NCKAP5: variants seen among roughly 807,000 people sequenced by gnomAD.
NCKAP5 encodes the protein NCK associated protein 5.
NCKAP5 carries 92 observed loss-of-function variants against 167.0 expected under a neutral mutation model. The ratio of observed to expected loss-of-function variants is 0.55; its 90% CI spans 0.47 to 0.66. The LOEUF (loss-of-function observed/expected upper bound fraction) is 0.66. Among genes scored for constraint, NCKAP5 ranks in the 30% least tolerant of loss-of-function variants. NCKAP5 has a pLI of 0.00. For synonymous variants in NCKAP5, 891 were observed against 877.4 expected, an observed-to-expected ratio of 1.02 and a Z score of -0.27; for missense variants, 2,378 against 2,315.0, an observed-to-expected ratio of 1.03 and a Z score of -0.56.
intron 3 of NCKAP5, among the ~76,000 whole-genome samples, chr2:133,490,204 C>T (rs1330635205): frequency 6.6e-6 from 1 of 152,196 alleles, no homozygotes; most frequent in African/African-American, 2.4e-5. Context: ...GAATTGGGTA[C>T]AGCCCAAGTG....
intron 3 of NCKAP5, among the ~76,000 whole-genome samples, chr2:133,384,521 A>G (rs1045246898): frequency 2.6e-5 from 4 of 152,152 alleles, no homozygotes; most frequent in African/African-American, 9.7e-5. Flanking sequence ...CTGGCTTAGG[A>G]CTGACTTGGC....
At chr2:132,906,947 T>C (rs1694053547) in intron 8 of NCKAP5, among the ~76,000 whole-genome samples, 1 of 152,254 alleles carries the variant, frequency 6.6e-6, no homozygotes, top group Admixed American at 6.5e-5. Context: ...TGACACGTTT[T>C]ACTTGAATGA....
intron 12 of NCKAP5, among the ~76,000 whole-genome samples, chr2:132,793,247 G>T (rs1684217521): frequency 6.6e-6 from 1 of 152,158 alleles, no homozygotes; most frequent in African/African-American, 2.4e-5. Context: ...AACTGAGGCA[G>T]GTGATCCACC....
At chr2:133,216,730 T>C (rs566864710) in intron 4 of NCKAP5, among the ~76,000 whole-genome samples, 36 of 152,122 alleles carry the variant, frequency 2.4e-4, no homozygotes, top group Admixed American at 8.5e-4. Context: ...TACATAATGT[T>C]TAAAAGTGAT....
intron 8 of NCKAP5, among the ~76,000 whole-genome samples, chr2:132,897,939 G>A (rs1024928895): frequency 1.3e-5 from 2 of 152,138 alleles, no homozygotes; most frequent in Non-Finnish European, 2.9e-5. Context: ...AGCTACTTAC[G>A]GCTGGGGTGG....
the NCKAP5 span, among the ~76,000 whole-genome samples, chr2:133,654,838 A>T: frequency 6.6e-6 from 1 of 152,150 alleles, no homozygotes; most frequent in Admixed American, 6.5e-5. Flanking sequence ...AGAGCTTCCT[A>T]ACTCGGCTGT....
intron 19 of NCKAP5, among the ~76,000 whole-genome samples, chr2:132,706,771 G>C (rs991371138): frequency 7.9e-5 from 12 of 152,102 alleles, no homozygotes; most frequent in African/African-American, 2.9e-4. Flanking sequence ...ATGAAAGAAT[G>C]AATAAGTAAT....
chr2:132,796,875 A>C, intron 11 of NCKAP5, 146 bp from the exon 12 acceptor site: 1 of 606,306 alleles, frequency 1.6e-6, no homozygotes, highest in Non-Finnish European at 2.9e-6. Context: ...ATTCTAGTTT[A>C]TCAGTGTTCC....
intron 6 of NCKAP5, among the ~76,000 whole-genome samples, chr2:133,084,869 T>G (rs2080933447): frequency 6.6e-6 from 1 of 152,120 alleles, no homozygotes. Context: ...TTCATCGCCT[T>G]AAGTGGAAGG....
intron 6 of NCKAP5, among the ~76,000 whole-genome samples, chr2:133,087,834 C>A (rs1437290676): frequency 6.6e-6 from 1 of 152,180 alleles, no homozygotes; most frequent in African/African-American, 2.4e-5. Flanking sequence ...TCCTTCACTG[C>A]TTTTCACAAC....
At chr2:133,315,893 A>G (rs561591476) in intron 3 of NCKAP5, among the ~76,000 whole-genome samples, 35 of 152,300 alleles carry the variant, frequency 2.3e-4, no homozygotes, top group Middle Eastern at 6.8e-3. Flanking sequence ...GGTAGGGAGA[A>G]CAAGTAAGAA....
At chr2:132,972,274 A>G (rs187006516) in intron 7 of NCKAP5, among the ~76,000 whole-genome samples, 1 of 152,298 alleles carries the variant, frequency 6.6e-6, no homozygotes, top group East Asian at 1.9e-4. Context: ...GGGGCTCACT[A>G]TCTTATGATT....
At chr2:132,932,949 G>A in intron 8 of NCKAP5, among the ~76,000 whole-genome samples, 2 of 123,320 alleles carry the variant, frequency 1.6e-5, no homozygotes, top group East Asian at 2.4e-4. Context: ...TTTTGAGACA[G>A]AATCTCGCTT....
chr2:132,918,039 T>G (rs1695018331), intron 8 of NCKAP5, among the ~76,000 whole-genome samples: 1 of 152,194 alleles, frequency 6.6e-6, no homozygotes, highest in South Asian at 2.1e-4. Context: ...AGATAGCTAT[T>G]TGATCAGGAA....
intron 6 of NCKAP5, among the ~76,000 whole-genome samples, chr2:133,040,709 A>G (rs1214609066): frequency 6.6e-6 from 1 of 152,188 alleles, no homozygotes; most frequent in Non-Finnish European, 1.5e-5. Context: ...AAGAATAATG[A>G]AGGTTAAGGT....
At chr2:133,520,035 A>C (rs541938345) in intron 2 of NCKAP5, among the ~76,000 whole-genome samples, 1 of 152,062 alleles carries the variant, frequency 6.6e-6, no homozygotes, top group African/African-American at 2.4e-5. Context: ...AAAATAAAAA[A>C]AAAAAATTAG....
At chr2:132,853,657 C>T (rs780595943) in intron 11 of NCKAP5, among the ~76,000 whole-genome samples, 4 of 152,086 alleles carry the variant, frequency 2.6e-5, no homozygotes, top group Non-Finnish European at 5.9e-5. Context: ...GAGATAAAAA[C>T]CCATGAAACA....
chr2:132,716,067 T>C (rs1185283177), intron 19 of NCKAP5, among the ~76,000 whole-genome samples: 1 of 152,170 alleles, frequency 6.6e-6, no homozygotes, highest in Non-Finnish European at 1.5e-5. Context: ...TAGTATCCCC[T>C]TCCCTCTCTG....
chr2:132,754,162 G>C (rs1297100804), intron 16 of NCKAP5, among the ~76,000 whole-genome samples: 1 of 152,108 alleles, frequency 6.6e-6, no homozygotes, highest in Non-Finnish European at 1.5e-5. Context: ...TGCAAATTAT[G>C]TATCTGGTCC....
Sources: gnomAD v4.1 joint callset for allele counts (sites outside exome capture counted in the v4.1 genomes callset) on GRCh38, gnomAD v4.1.1 for gene constraint, MANE v1.5 for transcripts, NCBI Gene and HGNC (gene_info 2026-07-23, HGNC 2026-07-21) for gene names.